ERBB4: variants seen among roughly 807,000 people sequenced by gnomAD.
ERBB4 encodes the protein erb-b2 receptor tyrosine kinase 4.
ERBB4 carries 42 observed loss-of-function variants against 158.0 expected under a neutral mutation model. That is an observed-to-expected ratio of 0.27 (90% CI 0.21 to 0.34). ERBB4 has a LOEUF of 0.34. Ranked by LOEUF, ERBB4 falls within the 10% of genes least tolerant of loss-of-function variation. The pLI is 1.00. For synonymous variants in ERBB4, 583 were observed against 558.7 expected (o/e 1.04, Z -0.61); for missense variants, 1,333 against 1,624.1 (o/e 0.82, Z 3.08).
chr2:211,822,801 A>G (rs1208297865), intron 3 of ERBB4, among the ~76,000 whole-genome samples: 3 of 152,032 alleles, frequency 2.0e-5, no homozygotes, highest in Admixed American at 6.6e-5. Flanking sequence ...GTCTCTGACA[A>G]CCACATGCTT....
Position 211,426,262 on chromosome 2 carries a change from A to C in ERBB4, c.2720-1961T>G, listed in dbSNP as rs75248984. The stretch of plus-strand genomic sequence containing the variant: ...GCAAAAGAACAATGTCAGGAAAGCT[A>C]AAACAAAACATCCTCGAATTTTACT... On this transcript the variant is annotated intron_variant, in intron 22 of 27. Coordinates refer to ENST00000342788, the MANE Select transcript of ERBB4 (RefSeq NM_005235.3). Among the ~76,000 whole-genome samples, 1,306 of 152,322 alleles carry C rather than the reference A, an allele frequency of 8.6e-3. 17 individuals carry two copies. Among genetic ancestry groups the C allele is most frequent in the African/African-American group, 0.03 (1,242 of 41,568 alleles).
At chr2:211,446,223 T>A (rs2064109117) in intron 20 of ERBB4, among the ~76,000 whole-genome samples, 1 of 152,074 alleles carries the variant, frequency 6.6e-6, no homozygotes, top group African/African-American at 2.4e-5. Context: ...AAAGCTCACA[T>A]AAGATCAGGG....
chr2:212,192,254 C>A (rs1226786052), intron 1 of ERBB4, among the ~76,000 whole-genome samples: 7 of 113,272 alleles, frequency 6.2e-5, no homozygotes, highest in Non-Finnish European at 5.3e-5. Context: ...TGCTAATTTC[C>A]CCTATACTCT....
intron 15 of ERBB4, among the ~76,000 whole-genome samples, chr2:211,663,079 A>T (rs1422137095): frequency 6.6e-6 from 1 of 152,204 alleles, no homozygotes; most frequent in Non-Finnish European, 1.5e-5. Flanking sequence ...CAATTTGGAA[A>T]GAAGGGACTG....
chr2:212,087,535 A>G (rs1310138408), intron 2 of ERBB4, among the ~76,000 whole-genome samples: 1 of 152,032 alleles, frequency 6.6e-6, no homozygotes, highest in African/African-American at 2.4e-5. Context: ...TCTATTAACA[A>G]TCCTCACCCT....
chr2:211,909,751 T>C (rs1300077605), intron 3 of ERBB4, among the ~76,000 whole-genome samples: 1 of 151,770 alleles, frequency 6.6e-6, no homozygotes. Flanking sequence ...TGTGTTTGTG[T>C]GTATGTAGGT....
At chr2:211,951,386 T>G (rs1048687571) in intron 2 of ERBB4, among the ~76,000 whole-genome samples, 1 of 152,058 alleles carries the variant, frequency 6.6e-6, no homozygotes, top group Non-Finnish European at 1.5e-5. Flanking sequence ...AATCTGCAAA[T>G]AATAAGTGCT....
At chr2:212,013,950 C>A (rs138638398) in intron 2 of ERBB4, among the ~76,000 whole-genome samples, 1 of 152,350 alleles carries the variant, frequency 6.6e-6, no homozygotes, top group African/African-American at 2.4e-5. Flanking sequence ...GTCATTACTG[C>A]AGCCCTAAGA....
At chr2:211,668,514 C>T (rs1310968856) in intron 14 of ERBB4, among the ~76,000 whole-genome samples, 1 of 152,102 alleles carries the variant, frequency 6.6e-6, no homozygotes, top group African/African-American at 2.4e-5. Flanking sequence ...TTCCTTATCC[C>T]TATTTCTAAA....
At chr2:211,590,484 A>C (rs1045487058) in intron 19 of ERBB4, among the ~76,000 whole-genome samples, 1 of 152,112 alleles carries the variant, frequency 6.6e-6, no homozygotes, top group Non-Finnish European at 1.5e-5. Context: ...ATCAACCAGC[A>C]CCACCCAGAT....
intron 2 of ERBB4, among the ~76,000 whole-genome samples, chr2:212,095,060 A>T (rs920599291): frequency 6.6e-6 from 1 of 152,092 alleles, no homozygotes; most frequent in African/African-American, 2.4e-5. Flanking sequence ...GGGAAGAGGG[A>T]CTACCTTTGT....
At chr2:212,000,243 C>T (rs900509424) in intron 2 of ERBB4, among the ~76,000 whole-genome samples, 1 of 151,788 alleles carries the variant, frequency 6.6e-6, no homozygotes, top group Non-Finnish European at 1.5e-5. Flanking sequence ...TCAGATAATA[C>T]AGCCCAAGAG....
chr2:212,375,799 A>T (rs2106398539), intron 1 of ERBB4, among the ~76,000 whole-genome samples: 1 of 152,210 alleles, frequency 6.6e-6, no homozygotes, highest in South Asian at 2.1e-4. Context: ...AGCAACATGA[A>T]TTCTGCTAAA....
intron 20 of ERBB4, among the ~76,000 whole-genome samples, chr2:211,492,470 T>C (rs1190950107): frequency 1.3e-5 from 2 of 152,156 alleles, no homozygotes; most frequent in East Asian, 1.9e-4. Flanking sequence ...TACCTACCAC[T>C]GAGGACTTAT....
chr2:211,905,811 G>C (rs567506162), intron 3 of ERBB4, among the ~76,000 whole-genome samples: 1 of 148,108 alleles, frequency 6.8e-6, no homozygotes, highest in African/African-American at 2.5e-5. Flanking sequence ...TCTTTGAAAA[G>C]GTGGCATTTG....
At chr2:211,476,992 T>A (rs1471926546) in intron 20 of ERBB4, among the ~76,000 whole-genome samples, 1 of 152,084 alleles carries the variant, frequency 6.6e-6, no homozygotes, top group African/African-American at 2.4e-5. Flanking sequence ...TGGGCCATAG[T>A]CTCAGAGATT....
rs1407815300 is a variant in ERBB4 at position 211,893,317 on chromosome 2, C to T, written c.421+54113G>A. 1.2e-4 allele frequency among the ~76,000 whole-genome samples: 17 copies of T among 144,422 alleles called. No individual in the cohort carries two copies. In the East Asian group the frequency reaches 3.1e-3, roughly 26 times the overall value. 94.7% of individuals were successfully genotyped at this position (144,422 alleles called of 152,430 possible). A position where few individuals can be genotyped will look rare whatever the true frequency, so the allele number is the denominator to read the frequency against. On this transcript the variant is annotated intron_variant, in intron 3 of 27. Coordinates refer to ENST00000342788, the MANE Select transcript of ERBB4 (RefSeq NM_005235.3). ...AAAAACAAGCAAGGGGGAAAGGATT[C>T]CCTATTTAATAAATGGTGCTGGGAA...
At chr2:212,522,939 T>G (rs1692254628) in intron 1 of ERBB4, among the ~76,000 whole-genome samples, 1 of 151,852 alleles carries the variant, frequency 6.6e-6, no homozygotes, top group Non-Finnish European at 1.5e-5. Context: ...CTGTAGAAAG[T>G]GAGGAGAGGT....
Position 211,375,895 on chromosome 2 carries a change from C to T in ERBB4, c.*7720G>A, listed in dbSNP as rs750841414. On this transcript the variant is annotated 3_prime_UTR_variant, in exon 28 of 28. Transcript: ENST00000342788. The stretch of plus-strand genomic sequence containing the variant: ...GCCTTGTACAGGTACAATTCTTTCC[C>T]AAGAGCCAAAAGAGGATCCTTGAGA... The T allele has an allele frequency of 4.3e-5, 10 of 232,604 alleles. No individual in the cohort carries two copies. Among genetic ancestry groups the T allele is most frequent in the Admixed American group, 1.1e-4 (2 of 17,700 alleles). The allele number at this position is 232,604 out of a possible 1,614,324, so 14.4% of individuals were successfully genotyped here.
Sources: gnomAD v4.1 joint callset for allele counts (sites outside exome capture counted in the v4.1 genomes callset) on GRCh38, gnomAD v4.1.1 for gene constraint, MANE v1.5 for transcripts, NCBI Gene and HGNC (gene_info 2026-07-23, HGNC 2026-07-21) for gene names.